The following POLR1B variants were observed in gnomAD, a reference collection of about 807,000 sequenced individuals.
POLR1B encodes the protein DNA-directed RNA polymerase I subunit RPA2.
A neutral mutation model predicts 105.8 loss-of-function variants in POLR1B; 30 were observed. The observed-to-expected ratio is 0.28, with a 90% CI of 0.21 to 0.38. POLR1B has a LOEUF of 0.38. Among genes scored for constraint, POLR1B ranks in the 10% least tolerant of loss-of-function variants. The pLI is 1.00. For missense variants in POLR1B, 976 were observed against 1,435.8 expected, an observed-to-expected ratio of 0.68 and a Z score of 5.17; for synonymous variants, 485 against 505.1, an observed-to-expected ratio of 0.96 and a Z score of 0.53.
At chr2:112,556,049 C>G (rs555569751) in intron 7 of POLR1B, among the ~76,000 whole-genome samples, 1 of 151,366 alleles carries the variant, frequency 6.6e-6, no homozygotes, top group Admixed American at 6.5e-5. Context: ...GAGAAGAACA[C>G]AAACAAATCA....
upstream of POLR1B, chr2:112,542,390 C>T: frequency 1.2e-6 from 2 of 1,609,120 alleles, no homozygotes; most frequent in Non-Finnish European, 1.7e-6. Context: ...CTACATTTCC[C>T]AGCAGGCTGC....
chr2:112,546,672 C>T (rs1297277467), intron 1 of POLR1B, among the ~76,000 whole-genome samples: 1 of 149,942 alleles, frequency 6.7e-6, no homozygotes, highest in Non-Finnish European at 1.5e-5. Flanking sequence ...CGCCATTCTC[C>T]TGCCTCAGCC....
Position 112,559,336 on chromosome 2 carries a change from C to G in POLR1B, c.1374C>G (p.Asp458Glu). Residue 458 changes from aspartate (D) to glutamate (E), a missense_variant, in exon 9 of 15, where the codon GAC becomes GAG. Asp to Glu is a conservative substitution (Grantham distance 45). Around this residue, in one of 12 missense-constraint regions of POLR1B, gnomAD observed 452 missense variants for 616.5 expected, o/e 0.73. Transcript: ENST00000263331. ...LQDSGLCVVA[D>E]KLNFIRYLSH... is the part of the protein sequence containing the mutation. Reference sequence around the variant, plus strand: ...ATTCTGGACTTTGTGTTGTGGCTGACAAGCTGAACTTCATACGCTACCTCT... The same window carrying G: ...ATTCTGGACTTTGTGTTGTGGCTGAGAAGCTGAACTTCATACGCTACCTCT... The G allele has an allele frequency of 6.2e-7, 1 of 1,614,204 alleles. No individual in the cohort carries two copies. The highest frequency in any genetic ancestry group is 1.1e-5 in the South Asian group (1 of 91,084).
At chr2:112,567,461 C>A (rs1040160767) in intron 10 of POLR1B, among the ~76,000 whole-genome samples, 1 of 152,058 alleles carries the variant, frequency 6.6e-6, no homozygotes, top group South Asian at 2.1e-4. Flanking sequence ...CTCACTGCAG[C>A]CTCAACCTCC....
intron 9 of POLR1B, among the ~76,000 whole-genome samples, chr2:112,562,142 A>G (rs533432286): frequency 1.3e-5 from 2 of 152,282 alleles, no homozygotes; most frequent in South Asian, 4.1e-4. Context: ...GAGCATCTGC[A>G]TCGGGGGACT....
Position 112,550,891 on chromosome 2 carries a change from A to G in POLR1B, c.651A>G (p.Glu217=), listed in dbSNP as rs766112325. 4.8e-5 allele frequency: 78 copies of G among 1,614,012 alleles called. No individual in the cohort carries two copies. The highest frequency in any genetic ancestry group is 4.0e-4 in the Admixed American group (24 of 60,010). The change falls in exon 5 of 15, where the codon GAA becomes GAG. Residue 217 remains glutamate, a synonymous_variant. Transcript: ENST00000263331. ...QYGVSMHCVR[E]EHSAVNMNLH... ...GAGTTTCAATGCACTGTGTGAGGGA[A>G]GAACATTCCGCTGTCAATATGAACC...
intron 7 of POLR1B, among the ~76,000 whole-genome samples, chr2:112,553,074 G>A (rs1683456082): frequency 6.6e-6 from 1 of 152,202 alleles, no homozygotes; most frequent in Non-Finnish European, 1.5e-5. Flanking sequence ...CAAATGGCCT[G>A]TATTTATACA....
At chr2:112,552,862 G>A (rs1256899040) in intron 7 of POLR1B, 46 bp downstream of exon 7, 1 of 1,433,546 alleles carries the variant, frequency 7.0e-7, no homozygotes, top group Non-Finnish European at 9.2e-7. Flanking sequence ...ACCACTTGTG[G>A]AATGGCGTGA....
chr2:112,559,419 T>C lies in POLR1B; in HGVS notation c.1457T>C (p.Val486Ala). The change falls in exon 9 of 15, where the codon GTA becomes GCA. Residue 486 changes from valine (V) to alanine (A), a missense_variant. Around this residue, in one of 12 missense-constraint regions of POLR1B, gnomAD observed 452 missense variants for 616.5 expected, o/e 0.73. Transcript: ENST00000263331. ...ADFAKMRTTTVRRLLPESWGF... is the reference protein window; with the variant it reads ...ADFAKMRTTTARRLLPESWGF... ...TTTGCCAAGATGAGGACCACCACAGTACGCAGGCTGCTGCCAGAGTCCTGG... is the reference window on the plus strand; with the variant it reads ...TTTGCCAAGATGAGGACCACCACAGCACGCAGGCTGCTGCCAGAGTCCTGG... The C allele has an allele frequency of 6.2e-7, 1 of 1,614,244 alleles. No individual in the cohort carries two copies. Among genetic ancestry groups the C allele is most frequent in the Non-Finnish European group, 8.5e-7 (1 of 1,180,042 alleles).
intron 9 of POLR1B, among the ~76,000 whole-genome samples, chr2:112,563,934 A>G (rs1684144458): frequency 6.6e-6 from 1 of 152,044 alleles, no homozygotes. Context: ...CTCATCCTCT[A>G]AGAAGCAATT....
chr2:112,563,055 T>C (rs1476908155), intron 9 of POLR1B, among the ~76,000 whole-genome samples: 1 of 147,680 alleles, frequency 6.8e-6, no homozygotes, highest in African/African-American at 2.5e-5. Context: ...TTTCTTTTTT[T>C]TTTTTCTTTT....
chr2:112,562,722 T>TTTTCTC (rs1684056550), intron 9 of POLR1B, among the ~76,000 whole-genome samples: 1 of 136,136 alleles, frequency 7.3e-6, no homozygotes, highest in African/African-American at 3.3e-5. Flanking sequence ...ACAATTTCTT[T>TTTTCTC]TTTTTCTTTT....
At chr2:112,559,725 G>T (rs1406914332) in intron 9 of POLR1B, 151 bp downstream of exon 9, 1 of 893,290 alleles carries the variant, frequency 1.1e-6, no homozygotes, top group Non-Finnish European at 1.7e-6. Context: ...CTGCCTCCTA[G>T]GTTCACGCCA....
chr2:112,547,591 A>G, intron 3 of POLR1B, 24 bp downstream of exon 3: 1 of 1,608,494 alleles, frequency 6.2e-7, no homozygotes, highest in Middle Eastern at 1.7e-4. Context: ...TCCAGGCATG[A>G]GACAGTAGAG....
At chr2:112,544,909 T>C (rs1251758875) in intron 1 of POLR1B, among the ~76,000 whole-genome samples, 2 of 152,166 alleles carry the variant, frequency 1.3e-5, no homozygotes, top group Non-Finnish European at 2.9e-5. Flanking sequence ...CAAATTCACC[T>C]ACTCACTAAA....
At position 112,543,410 on chromosome 2, in the gene POLR1B, T is replaced by C. The variant is rs370530600; in HGVS notation, c.177+739T>C. ...TGAAAGCAGTGCATGCCAATGTTCTTGAGAACTGCTCTGCCAAGGGATTGT... is the reference window on the plus strand; with the variant it reads ...TGAAAGCAGTGCATGCCAATGTTCTCGAGAACTGCTCTGCCAAGGGATTGT... On this transcript the variant is annotated intron_variant, in intron 1 of 14. Transcript: ENST00000263331. 3.9e-5 allele frequency among the ~76,000 whole-genome samples: 6 copies of C among 152,248 alleles called. No individual in the cohort carries two copies. The South Asian group carries it at 1.2e-3, about 32-fold the overall frequency.
intron 13 of POLR1B, among the ~76,000 whole-genome samples, chr2:112,573,242 A>G (rs1041069647): frequency 1.3e-5 from 2 of 152,172 alleles, no homozygotes; most frequent in African/African-American, 2.4e-5. Flanking sequence ...AGCTGGGACT[A>G]CAGGCACCCA....
At chr2:112,573,101 G>GT (rs1327553663) in intron 13 of POLR1B, among the ~76,000 whole-genome samples, 4 of 152,040 alleles carry the variant, frequency 2.6e-5, no homozygotes, top group Non-Finnish European at 5.9e-5. Flanking sequence ...TTGTTTGTTT[G>GT]TTTTTTGTTT....
Position 112,572,574 on chromosome 2 carries a change from T to C in POLR1B, c.2087T>C (p.Met696Thr). ...TTTCTCCATGTAGGTAAGCAAACTA[T>C]GGGCTTTCCACTTCTCACTTATCAA... ...MYQCQMGKQT[M>T]GFPLLTYQDR... Residue 696 changes from methionine (M) to threonine (T), a missense_variant, in exon 13 of 15, where the codon ATG becomes ACG. Coordinates refer to ENST00000263331, the MANE Select transcript of POLR1B (RefSeq NM_019014.6). 6.3e-7 allele frequency: 1 copy of C among 1,580,050 alleles called. No individual in the cohort carries two copies. The highest frequency in any genetic ancestry group is 8.6e-7 in the Non-Finnish European group (1 of 1,163,468).
Sources: gnomAD v4.1 joint callset for allele counts (sites outside exome capture counted in the v4.1 genomes callset) on GRCh38, gnomAD v4.1.1 for gene constraint, gnomAD v4.1.1 regional missense constraint, MANE v1.5 for transcripts, NCBI Gene and HGNC (gene_info 2026-07-23, HGNC 2026-07-21) for gene names.